ATL2: variants seen among roughly 807,000 people sequenced by gnomAD.
ATL2 encodes the protein atlastin-2.
Under a neutral mutation model 73.9 loss-of-function variants are expected in ATL2, and 31 were observed. The observed-to-expected ratio is 0.42, with a 90% CI of 0.32 to 0.57. The LOEUF (loss-of-function observed/expected upper bound fraction) is 0.57. ATL2 is among the 20% of genes least tolerant of loss of function. The pLI, the probability that ATL2 is intolerant of heterozygous loss-of-function variation, is 0.14. For synonymous variants in ATL2, 291 were observed against 237.5 expected, an observed-to-expected ratio of 1.23 and a Z score of -2.07; for missense variants, 738 against 702.6, an observed-to-expected ratio of 1.05 and a Z score of -0.57.
chr2:38,375,650 G>C (rs1671918865), intron 1 of ATL2, among the ~76,000 whole-genome samples: 2 of 152,120 alleles, frequency 1.3e-5, no homozygotes, highest in Admixed American at 6.6e-5. Context: ...GAAAGAAAGA[G>C]AAAGAAAGAA....
chr2:38,318,048 T>A (rs1446837998), intron 4 of ATL2, among the ~76,000 whole-genome samples: 2 of 152,142 alleles, frequency 1.3e-5, no homozygotes, highest in Non-Finnish European at 2.9e-5. Flanking sequence ...TCCCAGCTAC[T>A]CAGGAGGCTG....
chr2:38,341,991 A>C (rs1159139773), intron 2 of ATL2, among the ~76,000 whole-genome samples: 1 of 152,202 alleles, frequency 6.6e-6, no homozygotes, highest in African/African-American at 2.4e-5. Flanking sequence ...TTCCCTATAT[A>C]GCAATTCCAC....
intron 2 of ATL2, among the ~76,000 whole-genome samples, chr2:38,325,219 A>C (rs1320566497): frequency 6.6e-6 from 1 of 152,226 alleles, no homozygotes; most frequent in Non-Finnish European, 1.5e-5. Flanking sequence ...TTACAACAAG[A>C]GAAAAGCTTA....
chr2:38,305,950 T>C (rs1667428165), intron 9 of ATL2, among the ~76,000 whole-genome samples: 1 of 151,778 alleles, frequency 6.6e-6, no homozygotes. Context: ...AAAAGATCAA[T>C]GAAGCAAAAA....
intron 2 of ATL2, among the ~76,000 whole-genome samples, chr2:38,332,453 A>G (rs963745279): frequency 7.3e-5 from 11 of 151,324 alleles, no homozygotes; most frequent in Non-Finnish European, 1.6e-4. Context: ...CAATCCTCCC[A>G]CCTCGGCCTC....
At chr2:38,359,389 G>C (rs570337849) in intron 1 of ATL2, 88 of 150,200 alleles carry the variant, frequency 5.9e-4, no homozygotes, top group African/African-American at 2.1e-3. Context: ...AGAATCACTT[G>C]AACCCCAGAG....
In ATL2 at chr2:38,298,285, T is replaced by C; in HGVS notation, c.1491A>G (p.Leu497=). Residue 497 remains leucine, a synonymous_variant, in exon 12 of 13, where the codon CTA becomes CTG. Coordinates refer to ENST00000378954, the MANE Select transcript of ATL2 (RefSeq NM_001135673.4). ...IISGLTGFIG[L]NSIAVLCNLV... is the part of the protein sequence containing the mutation. ...GGTTACACAAGACAGCTATAGAGTT[T>C]AGGCCAATGAAGCCAGTCAGTCCTG... is the stretch of plus-strand genomic sequence containing the variant. The C allele has an allele frequency of 6.2e-7, 1 of 1,614,188 alleles. No homozygotes were observed. Among genetic ancestry groups the C allele is most frequent in the Non-Finnish European group, 8.5e-7 (1 of 1,180,010 alleles).
At chr2:38,349,667 T>C (rs966473015) in intron 1 of ATL2, among the ~76,000 whole-genome samples, 1 of 150,562 alleles carries the variant, frequency 6.6e-6, no homozygotes, top group Non-Finnish European at 1.5e-5. Flanking sequence ...AAACTTAAAG[T>C]ATAATAATAA....
At chr2:38,358,670 C>A in intron 1 of ATL2, 1 of 164,492 alleles carries the variant, frequency 6.1e-6, no homozygotes. Context: ...CCAGCCTGGG[C>A]GACAGAGCGA....
At position 38,347,197 on chromosome 2, in the gene ATL2, T is replaced by C. The variant is rs530792174; in HGVS notation, c.119-3685A>G. ...CTTAAATACCTTACCATGGCTTCTA[T>C]AGTCGTATGCGATCTGGGCCCAGCC... On this transcript the variant is annotated intron_variant, in intron 1 of 12. Transcript: ENST00000378954. Among the ~76,000 whole-genome samples the C allele has an allele frequency of 3.6e-3, 542 of 152,340 alleles. 3 individuals are homozygous for C. The highest frequency in any genetic ancestry group is 0.017 in the Middle Eastern group (5 of 294).
At chr2:38,347,022 G>C (rs1046513983) in intron 1 of ATL2, among the ~76,000 whole-genome samples, 3 of 152,134 alleles carry the variant, frequency 2.0e-5, no homozygotes, top group Non-Finnish European at 4.4e-5. Flanking sequence ...TTCCAACCAA[G>C]TTTAGTCATT....
chr2:38,322,772 G>C (rs565278163), intron 2 of ATL2, among the ~76,000 whole-genome samples: 1 of 152,250 alleles, frequency 6.6e-6, no homozygotes, highest in South Asian at 2.1e-4. Context: ...CCAGCACTTT[G>C]GGAGGCCAAG....
chr2:38,342,564 T>G (rs1446522515), intron 2 of ATL2, among the ~76,000 whole-genome samples: 1 of 152,204 alleles, frequency 6.6e-6, no homozygotes, highest in African/African-American at 2.4e-5. Flanking sequence ...GAAGCCACTC[T>G]AAGGAACTGG....
chr2:38,329,125 T>TAAAA (rs56248819), intron 2 of ATL2, among the ~76,000 whole-genome samples: 3 of 113,898 alleles, frequency 2.6e-5, no homozygotes, highest in East Asian at 2.5e-4. Context: ...ATCATCTATT[T>TAAAA]AAAAAAAAAA....
At position 38,300,338 on chromosome 2, in the gene ATL2, GAGA is replaced by G. The variant is rs760983151; in HGVS notation, c.1072-13_1072-11del. 9.4e-6 allele frequency: 15 copies of G among 1,600,628 alleles called. No individual in the cohort carries two copies. The highest frequency in any genetic ancestry group is 2.2e-5 in the South Asian group (2 of 90,648). On this transcript the variant is annotated splice_polypyrimidine_tract_variant and intron_variant, in intron 9 of 12. Coordinates refer to ENST00000378954, the MANE Select transcript of ATL2 (RefSeq NM_001135673.4). ...AGATTTTGATGTAAGCCTAAAAAGG[GAGA>G]AGATTTGTTAGACTGACGGATTATG...
At chr2:38,344,545 G>A (rs1669911075) in intron 1 of ATL2, among the ~76,000 whole-genome samples, 2 of 152,284 alleles carry the variant, frequency 1.3e-5, no homozygotes, top group East Asian at 1.9e-4. Context: ...GGGAGGCAGA[G>A]GTTGCAGTGA....
intron 6 of ATL2, among the ~76,000 whole-genome samples, chr2:38,314,205 A>T (rs561764462): frequency 7.7e-4 from 118 of 152,344 alleles, no homozygotes; most frequent in African/African-American, 2.8e-3. Flanking sequence ...ACTTTTCTAT[A>T]TGAAACCAAA....
Position 38,310,403 on chromosome 2 carries a change from G to C in ATL2, c.849C>G (p.His283Gln). 6.2e-7 allele frequency: 1 copy of C among 1,612,026 alleles called. No individual in the cohort carries two copies. Among genetic ancestry groups the C allele is most frequent in the Non-Finnish European group, 8.5e-7 (1 of 1,179,164 alleles). Reference sequence around the variant, plus strand: ...CAAGATTTGAGAAACAATTGTGTATGTGCTTCCTTACATTCTGAAGCTCTT... The same window carrying C: ...CAAGATTTGAGAAACAATTGTGTATCTGCTTCCTTACATTCTGAAGCTCTT... Reference protein sequence around the residue: ...QHEELQNVRKHIHNCFSNLGC... With the variant: ...QHEELQNVRKQIHNCFSNLGC... Residue 283 changes from histidine (H) to glutamine (Q), a missense_variant, in exon 8 of 13, where the codon CAC becomes CAG. Coordinates refer to ENST00000378954, the MANE Select transcript of ATL2 (RefSeq NM_001135673.4).
At chr2:38,359,945 T>C (rs1670908248) in intron 1 of ATL2, among the ~76,000 whole-genome samples, 2 of 151,860 alleles carry the variant, frequency 1.3e-5, no homozygotes, top group Admixed American at 6.6e-5. Context: ...CTGGCCAATA[T>C]GGTGAAACCC....
Sources: gnomAD v4.1 joint callset for allele counts (sites outside exome capture counted in the v4.1 genomes callset) on GRCh38, gnomAD v4.1.1 for gene constraint, MANE v1.5 for transcripts, NCBI Gene and HGNC (gene_info 2026-07-23, HGNC 2026-07-21) for gene names.